IPCEF1: variants seen among roughly 807,000 people sequenced by gnomAD.
The protein encoded by IPCEF1 is interactor protein for cytohesin exchange factors 1.
In IPCEF1, 31 loss-of-function variants were observed where a neutral mutation model predicts 50.9. The observed-to-expected ratio is 0.61, with a 90% CI of 0.46 to 0.82. IPCEF1 has a LOEUF of 0.82. Among genes scored for constraint, IPCEF1 ranks in the 40% least tolerant of loss-of-function variants. The pLI is 0.00. For missense variants in IPCEF1, 458 were observed against 514.0 expected, an observed-to-expected ratio of 0.89 and a Z score of 1.05; for synonymous variants, 181 against 192.0, an observed-to-expected ratio of 0.94 and a Z score of 0.47.
chr6:154,185,675 G>A (rs906158087), intron 10 of IPCEF1, among the ~76,000 whole-genome samples: 1 of 152,090 alleles, frequency 6.6e-6, no homozygotes. Flanking sequence ...TAATCCGGGG[G>A]TGTCCAATCT....
At chr6:154,242,065 A>T (rs1048812923) in intron 5 of IPCEF1, among the ~76,000 whole-genome samples, 8 of 152,240 alleles carry the variant, frequency 5.3e-5, no homozygotes, top group Non-Finnish European at 1.2e-4. Context: ...TGGGAATAAT[A>T]AAATCTATCT....
At chr6:154,287,160 C>T (rs1182294682) in intron 2 of IPCEF1, among the ~76,000 whole-genome samples, 2 of 148,416 alleles carry the variant, frequency 1.3e-5, no homozygotes, top group African/African-American at 5.0e-5. Flanking sequence ...CCCTTCTCTC[C>T]CTCTCTCTCT....
chr6:154,331,370 G>GGAAAGAAAGAAAGAGAAAGAAAGAAA (rs1783657920), intron 1 of IPCEF1, among the ~76,000 whole-genome samples: 2 of 111,958 alleles, frequency 1.8e-5, no homozygotes, highest in Non-Finnish European at 3.3e-5. Flanking sequence ...AAGAAAGAAA[G>GGAAAGAAAGAAAGAGAAAGAAAGAAA]GAAAGAAAGA....
intron 5 of IPCEF1, among the ~76,000 whole-genome samples, chr6:154,224,201 T>G (rs1190678202): frequency 6.6e-6 from 1 of 152,186 alleles, no homozygotes; most frequent in Admixed American, 6.5e-5. Flanking sequence ...AATCTTAATT[T>G]TACAAGTCAG....
chr6:154,251,286 C>T lies in IPCEF1; in HGVS notation c.37-3798G>A, dbSNP rs537948890. Among the ~76,000 whole-genome samples, 298 of 152,180 alleles carry T rather than the reference C, an allele frequency of 2.0e-3. 1 individual carries two copies. Among genetic ancestry groups the T allele is most frequent in the Non-Finnish European group, 3.7e-3 (249 of 68,010 alleles). The stretch of plus-strand genomic sequence containing the variant: ...CAATGACAGAGGTTGGATGTGATGA[C>T]TCACGCCTATGTCAGTGATTTGGGA... On this transcript the variant is annotated intron_variant, in intron 3 of 11. Coordinates refer to ENST00000367220, the MANE Select transcript of IPCEF1 (RefSeq NM_001130700.2).
intron 1 of IPCEF1, among the ~76,000 whole-genome samples, chr6:154,326,202 AT>A (rs1485445818): frequency 2.0e-5 from 3 of 150,932 alleles, no homozygotes; most frequent in Non-Finnish European, 4.4e-5. Context: ...AGCCTGAGTG[AT>A]AGAGCCAGAC....
intron 3 of IPCEF1, among the ~76,000 whole-genome samples, chr6:154,263,254 TA>T (rs1312314984): frequency 2.6e-5 from 4 of 151,090 alleles, no homozygotes; most frequent in African/African-American, 4.9e-5. Flanking sequence ...TTTATTTATT[TA>T]TTTTTTTTAA....
intron 10 of IPCEF1, among the ~76,000 whole-genome samples, chr6:154,195,744 C>A (rs1776562922): frequency 6.6e-6 from 1 of 151,892 alleles, no homozygotes; most frequent in Non-Finnish European, 1.5e-5. Flanking sequence ...CCCACTCAGC[C>A]CATTAGGTGT....
In IPCEF1 at chr6:154,157,965, G is replaced by A. The variant is rs1798781700; in HGVS notation, c.*1863C>T. On this transcript the variant is annotated 3_prime_UTR_variant, in exon 12 of 12. Transcript: ENST00000367220. The stretch of plus-strand genomic sequence containing the variant: ...CTCATCTTCAGTGGCTTCCCTAGGT[G>A]GAGAAGTACCCACATGTTTGCTGGG... 6.6e-6 allele frequency: 1 copy of A among 152,250 alleles called. No homozygotes were observed. The highest frequency in any genetic ancestry group is 2.1e-4 in the South Asian group (1 of 4,832). 9.4% of individuals were successfully genotyped at this position (152,250 alleles called of 1,614,324 possible).
intron 11 of IPCEF1, among the ~76,000 whole-genome samples, chr6:154,161,215 AT>A (rs778278528): frequency 0.025 from 3,291 of 133,740 alleles, 52 homozygotes; most frequent in African/African-American, 0.061. Flanking sequence ...TTTTCTTTTC[AT>A]TTTTTTTTTT....
intron 10 of IPCEF1, among the ~76,000 whole-genome samples, chr6:154,179,502 C>A (rs1218648800): frequency 6.6e-6 from 1 of 152,138 alleles, no homozygotes; most frequent in Admixed American, 6.6e-5. Context: ...TATTTCCGCC[C>A]CCCCTTATCT....
At chr6:154,209,337 C>T (rs1777769004) in intron 9 of IPCEF1, among the ~76,000 whole-genome samples, 1 of 152,198 alleles carries the variant, frequency 6.6e-6, no homozygotes, top group African/African-American at 2.4e-5. Flanking sequence ...GGGCCAAACA[C>T]TAGCTCAATT....
intron 1 of IPCEF1, among the ~76,000 whole-genome samples, chr6:154,314,841 G>A (rs1408366028): frequency 6.6e-6 from 1 of 151,582 alleles, no homozygotes; most frequent in Non-Finnish European, 1.5e-5. Flanking sequence ...TTTCCCTTCA[G>A]GGCCCCATCT....
intron 2 of IPCEF1, among the ~76,000 whole-genome samples, chr6:154,266,663 A>C (rs1781764444): frequency 6.6e-6 from 1 of 151,638 alleles, no homozygotes; most frequent in Admixed American, 6.6e-5. Flanking sequence ...TAAGATGTGA[A>C]AATGTGGCCC....
chr6:154,206,824 T>C (rs114215484), intron 9 of IPCEF1, among the ~76,000 whole-genome samples: 1,973 of 152,306 alleles, frequency 0.013, 47 homozygotes, highest in African/African-American at 0.044. Flanking sequence ...AGGGCAGGAA[T>C]GTCTGGAACG....
chr6:154,207,785 A>C (rs2128600650), intron 9 of IPCEF1, among the ~76,000 whole-genome samples: 1 of 152,284 alleles, frequency 6.6e-6, no homozygotes, highest in East Asian at 1.9e-4. Flanking sequence ...TATTTAAAAA[A>C]CTACTTCAGA....
chr6:154,213,055 G>A (rs1778097536), intron 8 of IPCEF1, 200 bp from the exon 9 acceptor site: 2 of 553,672 alleles, frequency 3.6e-6, no homozygotes, highest in Non-Finnish European at 6.5e-6. Context: ...CGGGGCTCCT[G>A]ACCTCAAAGA....
intron 3 of IPCEF1, among the ~76,000 whole-genome samples, chr6:154,249,363 G>C (rs566794794): frequency 3.3e-5 from 5 of 152,210 alleles, no homozygotes; most frequent in South Asian, 2.1e-4. Context: ...TATATTATTT[G>C]AGTGGCTAAA....
intron 1 of IPCEF1, among the ~76,000 whole-genome samples, chr6:154,337,617 C>G (rs752438635): frequency 6.6e-6 from 1 of 151,814 alleles, no homozygotes; most frequent in Non-Finnish European, 1.5e-5. Flanking sequence ...GGCACAGCAA[C>G]GAGGAAAGAG....
Sources: gnomAD v4.1 joint callset for allele counts (sites outside exome capture counted in the v4.1 genomes callset) on GRCh38, gnomAD v4.1.1 for gene constraint, MANE v1.5 for transcripts, NCBI Gene and HGNC (gene_info 2026-07-23, HGNC 2026-07-21) for gene names.